TRPM1: variants seen among roughly 807,000 people sequenced by gnomAD.
TRPM1 encodes the protein TRPM1-203 APA Isoform, Intron 10.
A neutral mutation model predicts 149.4 loss-of-function variants in TRPM1; 113 were observed. The ratio of observed to expected loss-of-function variants is 0.76; its 90% CI spans 0.65 to 0.88. The LOEUF is 0.88. TRPM1 is among the 40% of genes least tolerant of loss of function. TRPM1 has a pLI of 0.00. For synonymous variants in TRPM1, 741 were observed against 759.5 expected, an observed-to-expected ratio of 0.98 and a Z score of 0.40; for missense variants, 1,976 against 2,038.7, an observed-to-expected ratio of 0.97 and a Z score of 0.59.
At position 31,002,855 on chromosome 15, in the gene TRPM1, C is replaced by T. The variant is rs368901614; in HGVS notation, c.3845G>A (p.Arg1282Gln). Residue 1282 changes from arginine to glutamine, a missense_variant, in exon 28 of 28, where the codon CGG becomes CAG. Around this residue, in one of 3 missense-constraint regions of TRPM1, gnomAD observed 572 missense variants for 578.9 expected, o/e 0.99. Transcript: ENST00000256552. Reference protein sequence around the residue: ...SSECEATYLLRQSSINSADGY... With the variant: ...SSECEATYLLQQSSINSADGY... ...ATCAGCGCTATTGATGCTGCTTTGC[C>T]GGAGAAGATACGTTGCCTCACATTC... The T allele has an allele frequency of 7.7e-5, 124 of 1,614,176 alleles. No individual in the cohort carries two copies. Among genetic ancestry groups the T allele is most frequent in the Non-Finnish European group, 9.7e-5 (114 of 1,180,024 alleles).
intron 1 of TRPM1, among the ~76,000 whole-genome samples, chr15:31,090,147 T>C (rs1187090800): frequency 6.6e-6 from 1 of 152,178 alleles, no homozygotes; most frequent in East Asian, 1.9e-4. Flanking sequence ...TTCAGCTATT[T>C]CTTCCTGGTT....
At chr15:31,088,665 G>A (rs572809484) in intron 1 of TRPM1, among the ~76,000 whole-genome samples, 5 of 152,194 alleles carry the variant, frequency 3.3e-5, no homozygotes, top group Admixed American at 6.5e-5. Context: ...CACGGACTAG[G>A]ATGGGCATTT....
rs1477147083 is a variant in TRPM1, at chr15:31,026,139, C to T, written c.3629G>A (p.Arg1210Lys). ...CCCGCGGTGGGGACGCTACACGTAC[C>T]TTTCAGAAGTGACCCGGATGCGCTC... is the stretch of plus-strand genomic sequence containing the variant. ...SDERIRVTSE[R>K]VENMSMRLEE... The change falls in exon 27 of 28, where the codon AGA (arginine) becomes AAA (lysine). Residue 1210 changes from arginine to lysine, a missense_variant and splice_region_variant. Arg to Lys is a conservative substitution (Grantham distance 26). This residue lies in a region of TRPM1 where 572 missense variants were observed against 578.9 expected (regional missense o/e 0.99). Coordinates refer to ENST00000256552, the MANE Select transcript of TRPM1 (RefSeq NM_001252024.2). 9.9e-6 allele frequency: 16 copies of T among 1,611,396 alleles called. No individual in the cohort carries two copies. Among genetic ancestry groups the T allele is most frequent in the Non-Finnish European group, 1.4e-5 (16 of 1,180,016 alleles).
chr15:31,118,215 A>G (rs1475705644), intron 1 of TRPM1, among the ~76,000 whole-genome samples: 1 of 151,844 alleles, frequency 6.6e-6, no homozygotes, highest in African/African-American at 2.4e-5. Context: ...CTGAGATTGC[A>G]CCACTGCACT....
intron 1 of TRPM1, among the ~76,000 whole-genome samples, chr15:31,140,111 A>G (rs8026274): frequency 0.12 from 18,156 of 151,914 alleles, 1,132 homozygotes; most frequent in South Asian, 0.14. Flanking sequence ...TCATGCCTGT[A>G]ATCCTAGCAC....
chr15:31,090,076 C>CT (rs1010805532), intron 1 of TRPM1, among the ~76,000 whole-genome samples: 2 of 152,160 alleles, frequency 1.3e-5, no homozygotes, highest in Non-Finnish European at 2.9e-5. Context: ...AAGTGATTAT[C>CT]TTTTTTTCCT....
rs2034706958 is a variant in TRPM1 at position 31,076,843 on chromosome 15, A to G, written c.83+62T>C. ...ACTCCTCTTTCTGCCTCTTACAAAC[A>G]TGAGAATAGTGGCAGACAAGCACTG... On this transcript the variant is annotated intron_variant, in intron 3 of 27. Transcript: ENST00000256552. 2.3e-6 allele frequency: 3 copies of G among 1,308,188 alleles called. No homozygotes were observed. In the African/African-American group the frequency reaches 4.4e-5, roughly 19 times the overall value. The allele number at this position is 1,308,188 out of a possible 1,614,324, so 81.0% of individuals were successfully genotyped here. A position where few individuals can be genotyped will look rare whatever the true frequency, so the allele number is the denominator to read the frequency against.
chr15:31,022,323 C>T (rs759330873), intron 27 of TRPM1, among the ~76,000 whole-genome samples: 10 of 152,248 alleles, frequency 6.6e-5, no homozygotes, highest in African/African-American at 2.2e-4. Context: ...TTGACGAGGT[C>T]TACTTTGGCC....
intron 16 of TRPM1, among the ~76,000 whole-genome samples, chr15:31,045,341 AC>A (rs1241496825): frequency 2.6e-5 from 4 of 152,206 alleles, no homozygotes; most frequent in Non-Finnish European, 4.4e-5. Flanking sequence ...CATTGTTCTT[AC>A]GGTTGCTAGT....
intron 1 of TRPM1, among the ~76,000 whole-genome samples, chr15:31,149,369 G>A (rs1006091477): frequency 6.6e-6 from 1 of 152,104 alleles, no homozygotes; most frequent in Non-Finnish European, 1.5e-5. Context: ...AAGAAACCAA[G>A]TTTTTCAAGT....
intron 1 of TRPM1, among the ~76,000 whole-genome samples, chr15:31,155,125 C>T (rs1346590844): frequency 6.6e-6 from 1 of 152,242 alleles, no homozygotes; most frequent in South Asian, 2.1e-4. Flanking sequence ...CAAGCAGATT[C>T]CAAACACAGC....
chr15:31,141,765 T>TA (rs1465393244), intron 1 of TRPM1, among the ~76,000 whole-genome samples: 10 of 152,210 alleles, frequency 6.6e-5, no homozygotes, highest in Admixed American at 2.0e-4. Context: ...AGTAAAATCT[T>TA]ATGAAAGAAA....
chr15:31,118,317 C>G (rs2141031293), intron 1 of TRPM1, among the ~76,000 whole-genome samples: 1 of 151,630 alleles, frequency 6.6e-6, no homozygotes, highest in South Asian at 2.1e-4. Flanking sequence ...AATATAAATA[C>G]CAGAGGGAGA....
chr15:31,024,275 A>G (rs1052893370), intron 27 of TRPM1, among the ~76,000 whole-genome samples: 4 of 152,212 alleles, frequency 2.6e-5, no homozygotes, highest in Non-Finnish European at 5.9e-5. Flanking sequence ...GAGTACTTCA[A>G]GTGTGATTTT....
intron 1 of TRPM1, among the ~76,000 whole-genome samples, chr15:31,119,818 A>G (rs1384168660): frequency 1.3e-5 from 2 of 152,186 alleles, no homozygotes; most frequent in Non-Finnish European, 1.5e-5. Context: ...GGTTAGTTTT[A>G]AATGTATACT....
intron 4 of TRPM1, 137 bp downstream of exon 4, chr15:31,069,894 T>C (rs1260880545): frequency 6.2e-7 from 1 of 1,602,666 alleles, no homozygotes; most frequent in South Asian, 1.1e-5. Context: ...ATATATCTCT[T>C]GGTTTTTCAA....
At chr15:31,049,659 A>T in intron 12 of TRPM1, 150 bp from the exon 13 acceptor site, 1 of 838,710 alleles carries the variant, frequency 1.2e-6, no homozygotes, top group South Asian at 1.4e-5. Flanking sequence ...TTGGGTAAAC[A>T]CTCCCCATCT....
chr15:31,046,881 T>A (rs796232548), intron 15 of TRPM1, among the ~76,000 whole-genome samples: 2 of 152,160 alleles, frequency 1.3e-5, no homozygotes, highest in Admixed American at 6.5e-5. Context: ...GGAGGAAGTC[T>A]GCTGTGGATA....
At chr15:31,007,647 G>A (rs1566985465) in intron 27 of TRPM1, among the ~76,000 whole-genome samples, 5 of 64,410 alleles carry the variant, frequency 7.8e-5, no homozygotes, top group Non-Finnish European at 1.7e-4. Context: ...AACAACAGCA[G>A]CGCAGCAACA....
Sources: allele counts gnomAD v4.1 joint callset (sites outside exome capture counted in the v4.1 genomes callset), GRCh38; gene constraint gnomAD v4.1.1; regional missense constraint gnomAD v4.1.1; transcripts MANE v1.5; gene names NCBI Gene and HGNC (gene_info 2026-07-23, HGNC 2026-07-21).